Variants in WDR25 observed in about 807,000 individuals in gnomAD.
WDR25 encodes WD repeat-containing protein 25.
Under a neutral mutation model 47.7 loss-of-function variants are expected in WDR25, and 35 were observed. The observed-to-expected ratio is 0.73, with a 90% CI of 0.56 to 0.97. WDR25 has a LOEUF of 0.97. Ranked by LOEUF, WDR25 falls within the 50% of genes least tolerant of loss-of-function variation. The probability of loss-of-function intolerance (pLI) is 0.00; values close to 1 mark genes in which losing one functional copy is unlikely to be tolerated. For missense variants in WDR25, 634 were observed against 704.7 expected, an observed-to-expected ratio of 0.90 and a Z score of 1.14; for synonymous variants, 248 against 278.9, an observed-to-expected ratio of 0.89 and a Z score of 1.10.
intron 5 of WDR25, among the ~76,000 whole-genome samples, chr14:100,527,691 C>T (rs529964026): frequency 6.6e-6 from 1 of 152,310 alleles, no homozygotes; most frequent in South Asian, 2.1e-4. Context: ...AGGTGCCTTG[C>T]GCCTGAACTA....
chr14:100,395,414 A>G (rs1354458002), intron 2 of WDR25, among the ~76,000 whole-genome samples: 13 of 152,242 alleles, frequency 8.5e-5, no homozygotes, highest in Non-Finnish European at 1.0e-4. Flanking sequence ...CAGGCACTCC[A>G]TAATGCAAGC....
intron 2 of WDR25, among the ~76,000 whole-genome samples, chr14:100,463,726 C>T (rs1019204084): frequency 8.6e-5 from 13 of 152,006 alleles, no homozygotes; most frequent in Admixed American, 6.6e-4. Flanking sequence ...AGCTCCAGGT[C>T]CTCCTTCCCT....
chr14:100,514,485 A>AT (rs1901427541), intron 4 of WDR25, among the ~76,000 whole-genome samples: 1 of 151,384 alleles, frequency 6.6e-6, no homozygotes, highest in African/African-American at 2.4e-5. Flanking sequence ...TTAATTTAGT[A>AT]TTTTTATGAT....
intron 2 of WDR25, among the ~76,000 whole-genome samples, chr14:100,447,401 G>A (rs1898873035): frequency 6.6e-6 from 1 of 152,260 alleles, no homozygotes; most frequent in Non-Finnish European, 1.5e-5. Context: ...CAGTAGGGGG[G>A]CACGTGTGCT....
chr14:100,447,021 T>A (rs1034468222), intron 2 of WDR25, among the ~76,000 whole-genome samples: 4 of 152,332 alleles, frequency 2.6e-5, no homozygotes, highest in African/African-American at 9.6e-5. Context: ...CTTTAATAGG[T>A]AAGATAATTT....
intron 2 of WDR25, among the ~76,000 whole-genome samples, chr14:100,459,894 G>GTGTGTGTATATATA (rs1172584092): frequency 1.3e-5 from 1 of 78,274 alleles, no homozygotes; most frequent in Non-Finnish European, 2.7e-5. Context: ...GTGTGTGTGT[G>GTGTGTGTATATATA]TATATATATA....
chr14:100,488,555 G>A lies in WDR25; in HGVS notation c.1101+4431G>A, dbSNP rs6420937. On this transcript the variant is annotated intron_variant, in intron 4 of 6. Coordinates refer to ENST00000402312, the MANE Select transcript of WDR25 (RefSeq NM_001161476.3). The surrounding 1 kb of genome is among the most constrained non-coding windows in gnomAD (Gnocchi z 4.2). ...ATCGTAAAGTGGCAGGCCAAGCCAC[G>A]CCTCCAAAGTAGCGTTTCTCAAACT... Among the ~76,000 whole-genome samples the A allele has an allele frequency of 1, 152,257 of 152,270 alleles. 76,122 individuals are homozygous for A. The highest frequency in any genetic ancestry group is 1 in the Non-Finnish European group (68,042 of 68,042).
intron 4 of WDR25, among the ~76,000 whole-genome samples, chr14:100,492,485 C>G (rs1394214357): frequency 6.6e-6 from 1 of 152,198 alleles, no homozygotes; most frequent in East Asian, 1.9e-4. Context: ...ACACCCACCC[C>G]ACTTGATAAT....
Position 100,381,006 on chromosome 14 carries a change from G to A in WDR25, c.82G>A (p.Gly28Arg), listed in dbSNP as rs373487922. 19 of 1,614,104 alleles carry A rather than the reference G, an allele frequency of 1.2e-5. No individual in the cohort carries two copies. Among genetic ancestry groups the A allele is most frequent in the African/African-American group, 1.1e-4 (8 of 74,944 alleles). Reference protein sequence around the residue: ...SDSEAETEHAGSFNATGQQKD... With the variant: ...SDSEAETEHARSFNATGQQKD... ...CTCGGAGGCTGAGACAGAGCATGCA[G>A]GAAGTTTTAATGCTACCGGCCAGCA... Residue 28 changes from glycine to arginine, a missense_variant, in exon 2 of 7, where the codon GGA (glycine) becomes AGA (arginine). Transcript: ENST00000402312.
intron 4 of WDR25, among the ~76,000 whole-genome samples, chr14:100,515,010 G>T (rs1901445313): frequency 6.6e-6 from 1 of 152,066 alleles, no homozygotes; most frequent in Non-Finnish European, 1.5e-5. Context: ...TTCTCTTCCA[G>T]TACTTTAAAC....
chr14:100,482,452 A>G (rs1900236284), intron 3 of WDR25, among the ~76,000 whole-genome samples: 1 of 152,192 alleles, frequency 6.6e-6, no homozygotes, highest in Non-Finnish European at 1.5e-5. Context: ...AAATGTTTAT[A>G]ATATGTTGGT....
At chr14:100,402,959 C>G (rs148085297) in intron 2 of WDR25, among the ~76,000 whole-genome samples, 135 of 152,250 alleles carry the variant, frequency 8.9e-4, no homozygotes, top group African/African-American at 3.2e-3. Context: ...GAGGGTCCAG[C>G]CCTCTCTGAG....
chr14:100,394,145 A>G (rs1897205020), intron 2 of WDR25, among the ~76,000 whole-genome samples: 1 of 152,176 alleles, frequency 6.6e-6, no homozygotes, highest in Non-Finnish European at 1.5e-5. Context: ...CGTGTTCCTA[A>G]GGGTGTGAGG....
intron 4 of WDR25, among the ~76,000 whole-genome samples, chr14:100,494,696 C>T (rs547013030): frequency 2.0e-5 from 3 of 152,314 alleles, no homozygotes; most frequent in South Asian, 4.1e-4. Context: ...TGGGCTGGAC[C>T]TGGGTGTTTT....
intron 3 of WDR25, among the ~76,000 whole-genome samples, chr14:100,481,849 T>C (rs184662868): frequency 2.0e-5 from 3 of 152,256 alleles, no homozygotes; most frequent in African/African-American, 2.4e-5. Context: ...TGCTCTTCAG[T>C]TGTGAGCTGG....
chr14:100,381,434 G>C lies in WDR25; in HGVS notation c.510G>C (p.Glu170Asp). The stretch of plus-strand genomic sequence containing the variant: ...GCTCTTTTCAGAAGAAAAAATGTGA[G>C]GACTGTGTGGTACCCTATACTCCCA... ...NGSSFQKKKC[E>D]DCVVPYTPRR... The change falls in exon 2 of 7, where the codon GAG becomes GAC. Residue 170 changes from glutamate (E) to aspartate (D), a missense_variant. Physicochemically the swap from Glu to Asp is conservative, Grantham distance 45. Transcript: ENST00000402312. 1 of 1,614,182 alleles carries C rather than the reference G, an allele frequency of 6.2e-7. No individual in the cohort carries two copies. Among genetic ancestry groups the C allele is most frequent in the Non-Finnish European group, 8.5e-7 (1 of 1,180,040 alleles).
rs2030094839 is a variant in WDR25, at chr14:100,525,812, C to T, written c.1102-58C>T. On this transcript the variant is annotated intron_variant, in intron 4 of 6. Coordinates refer to ENST00000402312, the MANE Select transcript of WDR25 (RefSeq NM_001161476.3). The surrounding 1 kb of genome is among the most constrained non-coding windows in gnomAD (Gnocchi z 4.6). Reference sequence around the variant, plus strand: ...CCCCCTGGGTCCTTGGCCTTCCCTGCATAGGCGCCTGTCCGTGCTGCCAGG... The same window carrying T: ...CCCCCTGGGTCCTTGGCCTTCCCTGTATAGGCGCCTGTCCGTGCTGCCAGG... 5.5e-5 allele frequency: 87 copies of T among 1,594,010 alleles called. 1 individual carries two copies. The South Asian group carries it at 9.6e-4, about 18-fold the overall frequency.
At chr14:100,491,320 A>C (rs923391754) in intron 4 of WDR25, among the ~76,000 whole-genome samples, 3 of 152,208 alleles carry the variant, frequency 2.0e-5, no homozygotes, top group Non-Finnish European at 4.4e-5. Context: ...TTGATGCCCA[A>C]ACCCTCACAG....
At chr14:100,508,859 A>G (rs149128638) in intron 4 of WDR25, among the ~76,000 whole-genome samples, 10 of 152,264 alleles carry the variant, frequency 6.6e-5, no homozygotes, top group Non-Finnish European at 1.3e-4. Flanking sequence ...TACTACATCT[A>G]TATGTTTTCC....
Sources: allele counts gnomAD v4.1 joint callset (sites outside exome capture counted in the v4.1 genomes callset), GRCh38; gene constraint gnomAD v4.1.1; non-coding constraint Gnocchi (gnomAD v3.1); transcripts MANE v1.5; gene names NCBI Gene and HGNC (gene_info 2026-07-23, HGNC 2026-07-21).